SORBS2: variants seen among roughly 807,000 people sequenced by gnomAD.
SORBS2 encodes the protein sorbin and SH3 domain-containing protein 2.
In SORBS2, 46 loss-of-function variants were observed where a neutral mutation model predicts 97.7. The observed-to-expected ratio is 0.47, with a 90% CI of 0.37 to 0.60. The LOEUF (loss-of-function observed/expected upper bound fraction) is 0.60. Ranked by LOEUF, SORBS2 falls within the 20% of genes least tolerant of loss-of-function variation. SORBS2 has a pLI of 0.00. For missense variants in SORBS2, 1,316 were observed against 1,282.3 expected (o/e 1.03, Z -0.40); for synonymous variants, 476 against 473.4 (o/e 1.01, Z -0.07).
At chr4:185,649,608 G>A in exon 3 of SORBS2, 6 of 1,595,766 alleles carry the variant, frequency 3.8e-6, no homozygotes, top group Non-Finnish European at 5.1e-6. Context: ...GTAGGTTTGG[G>A]TCTTTGCAGC....
intron 4 of SORBS2, among the ~76,000 whole-genome samples, chr4:185,675,757 T>C (rs1392616365): frequency 6.6e-6 from 1 of 152,216 alleles, no homozygotes; most frequent in Admixed American, 6.5e-5. Context: ...TCTGATTTCA[T>C]AGGTGCTTTC....
chr4:185,908,166 T>C (rs1016209194), intron 1 of SORBS2, among the ~76,000 whole-genome samples: 2 of 151,364 alleles, frequency 1.3e-5, no homozygotes, highest in African/African-American at 4.9e-5. Flanking sequence ...AAGAACCAAC[T>C]TCCTACCTGA....
chr4:185,759,078 A>G (rs1312083845), intron 2 of SORBS2, among the ~76,000 whole-genome samples: 1 of 152,224 alleles, frequency 6.6e-6, no homozygotes, highest in Non-Finnish European at 1.5e-5. Flanking sequence ...CGCTCAGAAC[A>G]GTCCTTTGCC....
At chr4:185,626,361 G>A (rs1018802276) in intron 6 of SORBS2, among the ~76,000 whole-genome samples, 17 of 152,224 alleles carry the variant, frequency 1.1e-4, no homozygotes, top group East Asian at 3.9e-4. Flanking sequence ...TTAATAGGTC[G>A]GATTTTTTTA....
At chr4:185,950,195 C>T (rs915625214) in intron 1 of SORBS2, among the ~76,000 whole-genome samples, 4 of 150,608 alleles carry the variant, frequency 2.7e-5, no homozygotes, top group East Asian at 2.0e-4. Flanking sequence ...GAGGTTGCAG[C>T]GAGCCGAGAT....
chr4:185,831,105 T>A (rs200930131), intron 1 of SORBS2, among the ~76,000 whole-genome samples: 38,319 of 152,106 alleles, frequency 0.25, 6,174 homozygotes, highest in Middle Eastern at 0.36. Context: ...CCATTTGAAC[T>A]TTTGATCGTA....
chr4:185,797,388 T>C (rs1368779882), intron 1 of SORBS2, among the ~76,000 whole-genome samples: 1 of 152,232 alleles, frequency 6.6e-6, no homozygotes, highest in Non-Finnish European at 1.5e-5. Flanking sequence ...TTACCAGTTA[T>C]ATATTTTTCA....
intron 1 of SORBS2, among the ~76,000 whole-genome samples, chr4:185,860,655 C>T (rs2099223212): frequency 6.6e-6 from 1 of 152,140 alleles, no homozygotes; most frequent in Non-Finnish European, 1.5e-5. Flanking sequence ...TGGTTTTATA[C>T]ATTTTAGGGA....
intron 1 of SORBS2, among the ~76,000 whole-genome samples, chr4:185,935,469 C>A (rs565657998): frequency 6.6e-6 from 1 of 152,260 alleles, no homozygotes; most frequent in Admixed American, 6.5e-5. Flanking sequence ...ATGGCAAACA[C>A]AAAAATGTCT....
At chr4:185,748,900 T>C (rs913405811) in intron 2 of SORBS2, among the ~76,000 whole-genome samples, 1 of 152,164 alleles carries the variant, frequency 6.6e-6, no homozygotes, top group Non-Finnish European at 1.5e-5. Flanking sequence ...CCTTTCCACC[T>C]GAGAATGAGG....
chr4:185,738,048 A>C (rs2098699382), intron 2 of SORBS2, among the ~76,000 whole-genome samples: 1 of 152,180 alleles, frequency 6.6e-6, no homozygotes, highest in Non-Finnish European at 1.5e-5. Flanking sequence ...AGAAGCAATA[A>C]TCACAGAATG....
At chr4:185,641,958 C>T (rs546193060) in intron 4 of SORBS2, among the ~76,000 whole-genome samples, 15 of 152,212 alleles carry the variant, frequency 9.9e-5, no homozygotes, top group South Asian at 2.1e-4. Context: ...TTGTGGTTAT[C>T]GAGATTCCAC....
At chr4:185,784,113 C>T (rs1277036449) in intron 1 of SORBS2, among the ~76,000 whole-genome samples, 4 of 152,060 alleles carry the variant, frequency 2.6e-5, no homozygotes, top group South Asian at 2.1e-4. Flanking sequence ...ACTAACCTCC[C>T]GAGAAGAGGG....
intron 1 of SORBS2, among the ~76,000 whole-genome samples, chr4:185,914,546 A>G (rs779174147): frequency 7.9e-5 from 12 of 152,368 alleles, no homozygotes; most frequent in Middle Eastern, 3.4e-3. Context: ...AAAGGTGCAA[A>G]TATCTGGGAT....
At chr4:185,784,554 C>T (rs2153638512) in intron 1 of SORBS2, among the ~76,000 whole-genome samples, 1 of 152,294 alleles carries the variant, frequency 6.6e-6, no homozygotes, top group African/African-American at 2.4e-5. Context: ...GAGGAACCTA[C>T]TCTGGGCTAC....
chr4:185,794,528 T>C (rs1043131074), intron 1 of SORBS2, among the ~76,000 whole-genome samples: 1 of 152,196 alleles, frequency 6.6e-6, no homozygotes, highest in Non-Finnish European at 1.5e-5. Flanking sequence ...TGGCCCAGCC[T>C]CAACTCTCTA....
intron 1 of SORBS2, among the ~76,000 whole-genome samples, chr4:185,785,231 C>G (rs200482839): frequency 6.9e-6 from 1 of 144,504 alleles, no homozygotes; most frequent in Non-Finnish European, 1.5e-5. Context: ...AAAAAAAAAA[C>G]AAAAAACCTG....
chr4:185,780,577 G>A (rs2099023625), intron 1 of SORBS2, among the ~76,000 whole-genome samples: 1 of 152,206 alleles, frequency 6.6e-6, no homozygotes, highest in African/African-American at 2.4e-5. Flanking sequence ...ATAGAGGCAT[G>A]GGACTGCAAC....
chr4:185,819,588 T>C (rs1233854101), intron 1 of SORBS2, among the ~76,000 whole-genome samples: 1 of 152,254 alleles, frequency 6.6e-6, no homozygotes, highest in African/African-American at 2.4e-5. Context: ...ACAAGCTGCC[T>C]CTGCCAGCTC....
Sources: allele counts gnomAD v4.1 joint callset (sites outside exome capture counted in the v4.1 genomes callset), GRCh38; gene constraint gnomAD v4.1.1; transcripts MANE v1.5; gene names NCBI Gene and HGNC (gene_info 2026-07-23, HGNC 2026-07-21).